The following ADAMTSL1 variants were observed in gnomAD, a reference collection of about 807,000 sequenced individuals.
The protein encoded by ADAMTSL1 is ADAMTS like 1.
In ADAMTSL1, 126 loss-of-function variants were observed where a neutral mutation model predicts 201.8. The ratio of observed to expected loss-of-function variants is 0.62; its 90% CI spans 0.54 to 0.72. The LOEUF (loss-of-function observed/expected upper bound fraction) is 0.72. ADAMTSL1 is among the 30% of genes least tolerant of loss of function. The pLI, the probability that ADAMTSL1 is intolerant of heterozygous loss-of-function variation, is 0.00. For synonymous variants in ADAMTSL1, 1,121 were observed against 903.4 expected (o/e 1.24, Z -4.32); for missense variants, 2,679 against 2,277.8 (o/e 1.18, Z -3.59).
intron 2 of ADAMTSL1, among the ~76,000 whole-genome samples, chr9:18,352,296 T>C (rs1234701555): frequency 6.6e-6 from 1 of 152,166 alleles, no homozygotes; most frequent in African/African-American, 2.4e-5. Context: ...TGTTACTATA[T>C]ATGGGGGAAA....
chr9:18,897,093 C>T lies in ADAMTSL1; in HGVS notation c.4851+4497C>T, dbSNP rs552842060. Among the ~76,000 whole-genome samples the T allele has an allele frequency of 1.8e-4, 27 of 152,302 alleles. No individual in the cohort carries two copies. In the East Asian group the frequency reaches 4.6e-3, roughly 26 times the overall value. The stretch of plus-strand genomic sequence containing the variant: ...TGGCAGCCCAGGTGAGGAGAAGTCC[C>T]TCACAACACACCTGCTGTGCCAGAT... On this transcript the variant is annotated intron_variant, in intron 26 of 28. Coordinates refer to ENST00000380548, the MANE Select transcript of ADAMTSL1 (RefSeq NM_001040272.6).
chr9:18,667,852 T>G (rs150749391), intron 9 of ADAMTSL1, among the ~76,000 whole-genome samples: 33 of 152,298 alleles, frequency 2.2e-4, no homozygotes, highest in Non-Finnish European at 4.1e-4. Flanking sequence ...CTGTAAGTCC[T>G]AGGAAAATAT....
intron 2 of ADAMTSL1, among the ~76,000 whole-genome samples, chr9:18,439,955 C>T (rs1447493045): frequency 1.3e-5 from 2 of 152,214 alleles, no homozygotes; most frequent in South Asian, 2.1e-4. Flanking sequence ...TACACTACTT[C>T]ACACCATCCA....
At chr9:18,460,699 T>C (rs1820777231) in intron 2 of ADAMTSL1, among the ~76,000 whole-genome samples, 1 of 152,210 alleles carries the variant, frequency 6.6e-6, no homozygotes, top group African/African-American at 2.4e-5. Context: ...AAGTAAATTC[T>C]TCCCTGAACA....
chr9:18,095,066 A>G (rs376776269), intron 1 of ADAMTSL1, among the ~76,000 whole-genome samples: 3 of 152,176 alleles, frequency 2.0e-5, no homozygotes, highest in South Asian at 4.1e-4. Flanking sequence ...GTGCTAAAAG[A>G]TAGTTCATGG....
intron 11 of ADAMTSL1, 139 bp from the exon 12 acceptor site, chr9:18,681,673 A>C: frequency 4.8e-5 from 26 of 536,146 alleles, no homozygotes; most frequent in Non-Finnish European, 7.0e-5. Flanking sequence ...AAGAAGTGGT[A>C]TAAATTTACC....
intron 15 of ADAMTSL1, among the ~76,000 whole-genome samples, chr9:18,743,436 G>A (rs568935218): frequency 3.3e-5 from 5 of 152,164 alleles, no homozygotes; most frequent in South Asian, 4.2e-4. Flanking sequence ...TAGCAAAGAC[G>A]GTTTGACAAG....
chr9:18,579,925 A>G lies in ADAMTSL1; in HGVS notation c.474+5659A>G, dbSNP rs538047035. 1.9e-4 allele frequency among the ~76,000 whole-genome samples: 29 copies of G among 152,346 alleles called. 1 individual carries two copies. The highest frequency in any genetic ancestry group is 6.5e-4 in the African/African-American group (27 of 41,586). On this transcript the variant is annotated intron_variant, in intron 4 of 28. Transcript: ENST00000380548. ...TATATTTTTTAAAAGAGTAGCATAA[A>G]TGTATGGACAGAACATGTGCTGCTG...
intron 3 of ADAMTSL1, among the ~76,000 whole-genome samples, chr9:18,562,934 C>G (rs1821622330): frequency 1.3e-5 from 2 of 152,148 alleles, no homozygotes; most frequent in African/African-American, 4.8e-5. Flanking sequence ...TTTCAAGGTT[C>G]TTAGCTTCCT....
intron 1 of ADAMTSL1, among the ~76,000 whole-genome samples, chr9:17,941,237 C>T (rs1827226416): frequency 6.6e-6 from 1 of 152,010 alleles, no homozygotes; most frequent in Non-Finnish European, 1.5e-5. Flanking sequence ...TGAAAATCTT[C>T]CCATTCTTCT....
chr9:18,645,729 T>C (rs1399345786), intron 7 of ADAMTSL1, among the ~76,000 whole-genome samples: 7 of 148,028 alleles, frequency 4.7e-5, no homozygotes, highest in African/African-American at 1.8e-4. Flanking sequence ...GAGGGCTCTG[T>C]TCTGTTCCAT....
At chr9:18,236,053 T>C (rs894397552) in intron 2 of ADAMTSL1, among the ~76,000 whole-genome samples, 1 of 152,216 alleles carries the variant, frequency 6.6e-6, no homozygotes, top group South Asian at 2.1e-4. Context: ...TGAAGACCCA[T>C]AATGATTGTT....
chr9:18,767,725 A>T (rs187859459), intron 16 of ADAMTSL1, among the ~76,000 whole-genome samples: 15 of 152,310 alleles, frequency 9.8e-5, no homozygotes, highest in Admixed American at 2.6e-4. Context: ...TTAGTTAAAG[A>T]AGTGAAATCC....
chr9:18,556,320 C>G (rs1355048145), intron 3 of ADAMTSL1, among the ~76,000 whole-genome samples: 1 of 151,976 alleles, frequency 6.6e-6, no homozygotes, highest in Non-Finnish European at 1.5e-5. Context: ...TGACTTTTTA[C>G]TATAGCTGAG....
chr9:18,591,556 G>T (rs527562652), intron 4 of ADAMTSL1, among the ~76,000 whole-genome samples: 1 of 152,112 alleles, frequency 6.6e-6, no homozygotes, highest in East Asian at 1.9e-4. Context: ...ATTGCCATTT[G>T]GTTAGTTGTT....
At chr9:18,902,470 C>T (rs181247056) in intron 26 of ADAMTSL1, among the ~76,000 whole-genome samples, 3 of 151,674 alleles carry the variant, frequency 2.0e-5, no homozygotes, top group Non-Finnish European at 2.9e-5. Context: ...GGAAAATTCA[C>T]AAATACGTGG....
chr9:18,681,887 G>C lies in ADAMTSL1; in HGVS notation c.1417G>C (p.Gly473Arg). Residue 473 changes from glycine to arginine, a missense_variant, in exon 12 of 29, where the codon GGC becomes CGC. Transcript: ENST00000380548. ...CGACCATCGAGGAATGCACACAGGA[G>C]GCTGTAGCCCAAAAACAAAGCCCCA... ...CIDHRGMHTG[G>R]CSPKTKPHIK... 1 of 1,614,086 alleles carries C rather than the reference G, an allele frequency of 6.2e-7. No individual in the cohort carries two copies. Among genetic ancestry groups the C allele is most frequent in the Non-Finnish European group, 8.5e-7 (1 of 1,180,012 alleles).
At chr9:18,549,554 T>C (rs939492204) in intron 3 of ADAMTSL1, among the ~76,000 whole-genome samples, 1 of 152,040 alleles carries the variant, frequency 6.6e-6, no homozygotes, top group African/African-American at 2.4e-5. Context: ...TGTGTATATG[T>C]ATGTATGTAT....
At chr9:18,509,802 C>G (rs1196728483) in intron 2 of ADAMTSL1, among the ~76,000 whole-genome samples, 1 of 152,164 alleles carries the variant, frequency 6.6e-6, no homozygotes, top group East Asian at 1.9e-4. Flanking sequence ...AAAGCATGAG[C>G]TAGAGAGAGG....
Sources: allele counts gnomAD v4.1 joint callset (sites outside exome capture counted in the v4.1 genomes callset), GRCh38; gene constraint gnomAD v4.1.1; transcripts MANE v1.5; gene names NCBI Gene and HGNC (gene_info 2026-07-23, HGNC 2026-07-21).